The following WWOX variants were observed in gnomAD, a reference collection of about 807,000 sequenced individuals.
WWOX encodes the protein WW domain-containing oxidoreductase.
Under a neutral mutation model 46.2 loss-of-function variants are expected in WWOX, and 69 were observed. That is an observed-to-expected ratio of 1.49 (90% CI 1.23 to 1.82). The LOEUF (loss-of-function observed/expected upper bound fraction) is 1.82, where lower values mean the gene tolerates loss of function less well. Among genes scored for constraint, WWOX ranks in the 40% most tolerant of loss-of-function variants. The pLI, the probability that WWOX is intolerant of heterozygous loss-of-function variation, is 0.00. For missense variants in WWOX, 919 were observed against 542.6 expected (o/e 1.69, Z -6.89); for synonymous variants, 359 against 202.6 (o/e 1.77, Z -6.56).
chr16:79,026,802 G>A (rs1193510451), intron 8 of WWOX, among the ~76,000 whole-genome samples: 1 of 65,204 alleles, frequency 1.5e-5, no homozygotes, highest in Non-Finnish European at 3.2e-5. Flanking sequence ...TTTTTTTTTT[G>A]GTATTTTTAA....
chr16:78,589,001 T>G (rs1032511685), intron 8 of WWOX, among the ~76,000 whole-genome samples: 1 of 152,194 alleles, frequency 6.6e-6, no homozygotes, highest in Non-Finnish European at 1.5e-5. Flanking sequence ...GTGGCCATCA[T>G]AGAAGTAAAT....
At chr16:78,746,615 A>T (rs1190486544) in intron 8 of WWOX, among the ~76,000 whole-genome samples, 1 of 149,644 alleles carries the variant, frequency 6.7e-6, no homozygotes, top group Non-Finnish European at 1.5e-5. Context: ...TTTTCATGGG[A>T]TATTAGTCAA....
chr16:78,561,916 C>T lies in WWOX; in HGVS notation c.1056+129164C>T, dbSNP rs534742564. Among the ~76,000 whole-genome samples, 9 of 152,274 alleles carry T rather than the reference C, an allele frequency of 5.9e-5. No homozygotes were observed. In the South Asian group the frequency reaches 6.2e-4, roughly 11 times the overall value. On this transcript the variant is annotated intron_variant, in intron 8 of 8. Transcript: ENST00000566780. ...ACTCATTATCTTCTCTGTGCCTTAA[C>T]GTCTCTATCTAATTTCCCATTAAAA... is the stretch of plus-strand genomic sequence containing the variant.
rs1036076536 is a variant in WWOX at position 78,884,692 on chromosome 16, G to A, written c.1057-326916G>A. On this transcript the variant is annotated intron_variant, in intron 8 of 8. Transcript: ENST00000566780. ...TAGAGGATGGATGGGAGCATGAAGTGTCCTCCGTCATGTTGCTAATGTTCT... is the reference window on the plus strand; with the variant it reads ...TAGAGGATGGATGGGAGCATGAAGTATCCTCCGTCATGTTGCTAATGTTCT... Among the ~76,000 whole-genome samples the A allele has an allele frequency of 3.9e-5, 6 of 152,158 alleles. 1 individual carries two copies. In the South Asian group the frequency reaches 1.0e-3, roughly 26 times the overall value.
intron 8 of WWOX, among the ~76,000 whole-genome samples, chr16:79,083,163 A>T (rs2048791514): frequency 6.6e-6 from 1 of 152,176 alleles, no homozygotes; most frequent in South Asian, 2.1e-4. Flanking sequence ...CGAGTCCCTA[A>T]CACTGCGGTT....
chr16:78,536,007 C>T (rs2043750797), intron 8 of WWOX, among the ~76,000 whole-genome samples: 1 of 152,180 alleles, frequency 6.6e-6, no homozygotes. Context: ...CGGGTATTTC[C>T]AGCCTTAGTC....
intron 8 of WWOX, among the ~76,000 whole-genome samples, chr16:79,107,873 C>T (rs769548057): frequency 3.3e-5 from 5 of 152,138 alleles, no homozygotes; most frequent in Non-Finnish European, 7.3e-5. Flanking sequence ...GATGATACTA[C>T]AGTTATAGGA....
At chr16:78,859,068 A>C (rs1302274362) in intron 8 of WWOX, among the ~76,000 whole-genome samples, 2 of 125,438 alleles carry the variant, frequency 1.6e-5, no homozygotes, top group Non-Finnish European at 3.3e-5. Flanking sequence ...ATATATATAT[A>C]TATATGAAAA....
chr16:78,873,933 T>C (rs111363717), intron 8 of WWOX, among the ~76,000 whole-genome samples: 6 of 152,162 alleles, frequency 3.9e-5, no homozygotes, highest in African/African-American at 1.4e-4. Context: ...CTAGTGGCCA[T>C]TGAAAATGTG....
chr16:78,323,514 G>C (rs12919434), intron 5 of WWOX, among the ~76,000 whole-genome samples: 15,162 of 152,110 alleles, frequency 0.1, 1,440 homozygotes, highest in African/African-American at 0.24. Flanking sequence ...TCCTCTTTGA[G>C]CTCTATTTAA....
intron 8 of WWOX, among the ~76,000 whole-genome samples, chr16:79,191,160 T>A (rs2051128238): frequency 6.6e-6 from 1 of 152,184 alleles, no homozygotes; most frequent in South Asian, 2.1e-4. Context: ...TTCAAGCGAT[T>A]CTTCTGCCTC....
Position 78,862,959 on chromosome 16 carries a change from G to GTT in WWOX, c.1057-348632_1057-348631dup, listed in dbSNP as rs35529711. Among the ~76,000 whole-genome samples the GTT allele has an allele frequency of 4.6e-3, 608 of 133,596 alleles. 8 individuals carry two copies. The highest frequency in any genetic ancestry group is 7.0e-3 in the African/African-American group (251 of 35,684). The allele number at this position is 133,596 out of a possible 152,430, so 87.6% of individuals were successfully genotyped here. A position where few individuals can be genotyped will look rare whatever the true frequency, so the allele number is the denominator to read the frequency against. ...TTAGACATCATGGTGGTTATGCCAA[G>GTT]TTTTTTTTTTTTTTTTTTGAGATGG... On this transcript the variant is annotated intron_variant, in intron 8 of 8. Transcript: ENST00000566780.
intron 8 of WWOX, among the ~76,000 whole-genome samples, chr16:78,799,276 G>A (rs1434873328): frequency 6.6e-6 from 1 of 152,136 alleles, no homozygotes; most frequent in Non-Finnish European, 1.5e-5. Context: ...GAGTTCATGG[G>A]CAGGGTACAG....
chr16:78,311,405 C>T (rs1169231654), intron 5 of WWOX, among the ~76,000 whole-genome samples: 1 of 152,208 alleles, frequency 6.6e-6, no homozygotes, highest in Non-Finnish European at 1.5e-5. Context: ...AACTGGGAGA[C>T]AGAAGGTATG....
intron 8 of WWOX, among the ~76,000 whole-genome samples, chr16:78,820,093 G>A (rs559994919): frequency 1.3e-5 from 2 of 152,038 alleles, no homozygotes; most frequent in Non-Finnish European, 2.9e-5. Context: ...TTTGATAACC[G>A]TGAGCACCTG....
Position 78,711,392 on chromosome 16 carries a change from T to C in WWOX, c.1056+278640T>C, listed in dbSNP as rs143140254. Among the ~76,000 whole-genome samples the C allele has an allele frequency of 2.6e-3, 389 of 152,354 alleles. 1 individual carries two copies. Among genetic ancestry groups the C allele is most frequent in the East Asian group, 0.012 (62 of 5,194 alleles). ...GATGCTCATATCTGGCCACTGTATA[T>C]GCTTTGGAGGGAACTTGAAGACTAG... On this transcript the variant is annotated intron_variant, in intron 8 of 8. Transcript: ENST00000566780.
At position 78,936,299 on chromosome 16, in the gene WWOX, G is replaced by A. The variant is rs889675594; in HGVS notation, c.1057-275309G>A. Among the ~76,000 whole-genome samples, 10 of 152,086 alleles carry A rather than the reference G, an allele frequency of 6.6e-5. 1 individual carries two copies. The highest frequency in any genetic ancestry group is 6.3e-3 in the Middle Eastern group (2 of 316). On this transcript the variant is annotated intron_variant, in intron 8 of 8. Coordinates refer to ENST00000566780, the MANE Select transcript of WWOX (RefSeq NM_016373.4). Reference sequence around the variant, plus strand: ...CTTGGACAGAGCTTAAGATGGCTGCGTCCCAAGTGGTCCATCCCAAGCGAG... The same window carrying A: ...CTTGGACAGAGCTTAAGATGGCTGCATCCCAAGTGGTCCATCCCAAGCGAG...
chr16:78,599,268 T>C (rs1464685087), intron 8 of WWOX, among the ~76,000 whole-genome samples: 1 of 152,244 alleles, frequency 6.6e-6, no homozygotes, highest in African/African-American at 2.4e-5. Flanking sequence ...GGTCTAGCTT[T>C]GTCTGTGAAC....
In WWOX at chr16:78,401,014, C is replaced by T. The variant is rs139889733; in HGVS notation, c.605+14066C>T. Among the ~76,000 whole-genome samples, 1,153 of 151,368 alleles carry T rather than the reference C, an allele frequency of 7.6e-3. 12 individuals carry two copies. Among genetic ancestry groups the T allele is most frequent in the African/African-American group, 0.026 (1,097 of 41,466 alleles). On this transcript the variant is annotated intron_variant, in intron 6 of 8. Coordinates refer to ENST00000566780, the MANE Select transcript of WWOX (RefSeq NM_016373.4). ...ATTTTTATTTTTGTAGAGACGAGGT[C>T]TCCTTGTGTTGTCCAGGCTGGTCTC... is the stretch of plus-strand genomic sequence containing the variant.
Sources: allele counts gnomAD v4.1 joint callset (sites outside exome capture counted in the v4.1 genomes callset), GRCh38; gene constraint gnomAD v4.1.1; transcripts MANE v1.5; gene names NCBI Gene and HGNC (gene_info 2026-07-23, HGNC 2026-07-21).